Variants in TBC1D5 observed in about 807,000 individuals in gnomAD.
The protein encoded by TBC1D5 is TBC1 domain family member 5.
A neutral mutation model predicts 100.3 loss-of-function variants in TBC1D5; 75 were observed. The observed-to-expected ratio is 0.75, with a 90% CI of 0.62 to 0.91. The LOEUF is 0.91. Among genes scored for constraint, TBC1D5 ranks in the 40% least tolerant of loss-of-function variants. TBC1D5 has a pLI of 0.00. For missense variants in TBC1D5, 910 were observed against 942.4 expected, an observed-to-expected ratio of 0.97 and a Z score of 0.45; for synonymous variants, 323 against 325.6, an observed-to-expected ratio of 0.99 and a Z score of 0.09.
At chr3:17,440,121 C>A (rs1453298538) in intron 3 of TBC1D5, among the ~76,000 whole-genome samples, 1 of 152,102 alleles carries the variant, frequency 6.6e-6, no homozygotes, top group African/African-American at 2.4e-5. Flanking sequence ...GAATGTCCAA[C>A]AGAGCAGAGG....
At chr3:17,295,632 C>A (rs753270600) in intron 14 of TBC1D5, among the ~76,000 whole-genome samples, 1 of 152,184 alleles carries the variant, frequency 6.6e-6, no homozygotes, top group Non-Finnish European at 1.5e-5. Context: ...TCAAAACTAA[C>A]CACACTTACA....
intron 3 of TBC1D5, among the ~76,000 whole-genome samples, chr3:17,490,725 T>G (rs2095630004): frequency 6.6e-6 from 1 of 152,212 alleles, no homozygotes; most frequent in Non-Finnish European, 1.5e-5. Context: ...AGCTTTGTAG[T>G]ATAGTTTGAA....
At chr3:17,297,571 TA>T (rs35418915) in intron 14 of TBC1D5, among the ~76,000 whole-genome samples, 44,376 of 137,092 alleles carry the variant, frequency 0.32, 7,018 homozygotes, top group Middle Eastern at 0.42. Flanking sequence ...GCGAGACTCC[TA>T]AAAAAAAAAA....
At position 17,340,246 on chromosome 3, in the gene TBC1D5, T is replaced by TA. The variant is rs1425595696; in HGVS notation, c.995+31828dup. 4.6e-5 allele frequency among the ~76,000 whole-genome samples: 7 copies of TA among 152,312 alleles called. No individual in the cohort carries two copies. In the South Asian group the frequency reaches 1.2e-3, roughly 27 times the overall value. ...GTCACAACATGAAGGGATAAGCAGTTACCCAGGTCTTGCCTGCAAATGTTC... is the reference window on the plus strand; with the variant it reads ...GTCACAACATGAAGGGATAAGCAGTTAACCCAGGTCTTGCCTGCAAATGTTC... On this transcript the variant is annotated intron_variant, in intron 13 of 21. Transcript: ENST00000253692.
intron 8 of TBC1D5, among the ~76,000 whole-genome samples, chr3:17,387,424 A>G (rs562071359): frequency 2.0e-5 from 3 of 152,186 alleles, no homozygotes; most frequent in African/African-American, 7.2e-5. Flanking sequence ...ACACATAAGA[A>G]CCTAGCTCTG....
At chr3:17,376,589 T>C (rs748502087) in exon 10 of TBC1D5, 5 of 1,612,796 alleles carry the variant, frequency 3.1e-6, no homozygotes, top group East Asian at 2.2e-5. Context: ...ACAAAGACTA[T>C]AGGTGCTAAC....
rs1160558559 is a variant in TBC1D5, at chr3:17,557,416, A to G, written c.-35-48811T>C. ...TGTGTGCCAATACGTCACTCTTCCA[A>G]ATAAAAATATAAAGTTTAACAATGC... On this transcript the variant is annotated intron_variant, in intron 2 of 21. Coordinates refer to ENST00000253692, the Ensembl canonical transcript of TBC1D5. Among the ~76,000 whole-genome samples, 5 of 152,382 alleles carry G rather than the reference A, an allele frequency of 3.3e-5. No homozygotes were observed. The South Asian group carries it at 8.3e-4, about 25-fold the overall frequency.
At position 17,425,619 on chromosome 3, in the gene TBC1D5, A is replaced by G. The variant is rs1239572379; in HGVS notation, c.167+2831T>C. 2.6e-5 allele frequency among the ~76,000 whole-genome samples: 4 copies of G among 152,132 alleles called. No individual in the cohort carries two copies. In the East Asian group the frequency reaches 7.7e-4, roughly 29 times the overall value. Reference sequence around the variant, plus strand: ...ACGCCAGCCTGGGTGACAGAGTGAGACCCTGTCTCAAAAAACAAACAAACA... The same window carrying G: ...ACGCCAGCCTGGGTGACAGAGTGAGGCCCTGTCTCAAAAAACAAACAAACA... On this transcript the variant is annotated intron_variant, in intron 4 of 21. Transcript: ENST00000253692.
chr3:17,558,228 T>G (rs569428788), intron 2 of TBC1D5, among the ~76,000 whole-genome samples: 115 of 152,166 alleles, frequency 7.6e-4, no homozygotes, highest in Non-Finnish European at 1.4e-3. Context: ...TCTGAATGAT[T>G]TCAACAATTT....
chr3:17,525,159 C>T (rs2096116803), intron 2 of TBC1D5, among the ~76,000 whole-genome samples: 1 of 151,986 alleles, frequency 6.6e-6, no homozygotes, highest in South Asian at 2.1e-4. Flanking sequence ...GACAGAGTTT[C>T]ACTCTTGTTG....
chr3:17,738,633 A>G (rs2077156835), intron 1 of TBC1D5, among the ~76,000 whole-genome samples: 1 of 152,232 alleles, frequency 6.6e-6, no homozygotes, highest in Admixed American at 6.5e-5. Flanking sequence ...AACCGTAAGT[A>G]ATGACTTGGC....
At chr3:17,529,244 C>T (rs2096183187) in intron 2 of TBC1D5, among the ~76,000 whole-genome samples, 1 of 152,204 alleles carries the variant, frequency 6.6e-6, no homozygotes, top group South Asian at 2.1e-4. Flanking sequence ...TCTCTGGGCT[C>T]TAACCACACT....
intron 1 of TBC1D5, among the ~76,000 whole-genome samples, chr3:17,727,260 A>G (rs1206308589): frequency 1.3e-5 from 2 of 152,160 alleles, no homozygotes; most frequent in Admixed American, 1.3e-4. Flanking sequence ...GCATGCCTGT[A>G]ATCCCAGCTA....
Position 17,661,657 on chromosome 3 carries a change from C to T in TBC1D5, c.-100-37744G>A, listed in dbSNP as rs114094618. 2.1e-3 allele frequency among the ~76,000 whole-genome samples: 320 copies of T among 152,056 alleles called. 2 individuals are homozygous for T. Among genetic ancestry groups the T allele is most frequent in the African/African-American group, 7.5e-3 (310 of 41,476 alleles). On this transcript the variant is annotated intron_variant, in intron 1 of 21. Transcript: ENST00000253692. ...CAGGGACTACAGGCGCCTGCCACCTCGTTGGCTAATTTTTTATATTTTAGT... is the reference window on the plus strand; with the variant it reads ...CAGGGACTACAGGCGCCTGCCACCTTGTTGGCTAATTTTTTATATTTTAGT...
Position 17,450,578 on chromosome 3 carries a change from C to T in TBC1D5, c.98-22059G>A, listed in dbSNP as rs138050276. Among the ~76,000 whole-genome samples the T allele has an allele frequency of 6.0e-4, 91 of 152,022 alleles. 1 individual carries two copies. The East Asian group carries it at 0.014, about 23-fold the overall frequency. On this transcript the variant is annotated intron_variant, in intron 3 of 21. Coordinates refer to ENST00000253692, the Ensembl canonical transcript of TBC1D5. ...GCTAAAAAACACAGCACAAGAACTTCGTGAAGCATACACAAGTATCAACAG... is the reference window on the plus strand; with the variant it reads ...GCTAAAAAACACAGCACAAGAACTTTGTGAAGCATACACAAGTATCAACAG...
intron 15 of TBC1D5, among the ~76,000 whole-genome samples, chr3:17,289,549 G>A (rs1201080571): frequency 3.3e-5 from 5 of 151,598 alleles, no homozygotes; most frequent in Admixed American, 6.6e-5. Context: ...CAGGAGAATC[G>A]CTTGAACCTG....
chr3:17,222,950 C>CT (rs1219521353), intron 17 of TBC1D5, among the ~76,000 whole-genome samples: 1 of 151,866 alleles, frequency 6.6e-6, no homozygotes, highest in African/African-American at 2.4e-5. Flanking sequence ...ACCATTATAA[C>CT]TTTTTTTCAT....
chr3:17,411,732 G>A (rs977628468), intron 4 of TBC1D5, among the ~76,000 whole-genome samples: 1 of 152,112 alleles, frequency 6.6e-6, no homozygotes, highest in Non-Finnish European at 1.5e-5. Flanking sequence ...TACTACTTAT[G>A]TAATGAAGGA....
At chr3:17,503,995 A>G in intron 3 of TBC1D5, among the ~76,000 whole-genome samples, 1 of 149,428 alleles carries the variant, frequency 6.7e-6, no homozygotes, top group Non-Finnish European at 1.5e-5. Context: ...AAAGGAAGAG[A>G]GGTCAAAGAG....
Sources: allele counts gnomAD v4.1 joint callset (sites outside exome capture counted in the v4.1 genomes callset), GRCh38; gene constraint gnomAD v4.1.1; transcripts MANE v1.5; gene names NCBI Gene and HGNC (gene_info 2026-07-23, HGNC 2026-07-21).